Variants in ADIPOQ observed in about 807,000 individuals in gnomAD.
The protein encoded by ADIPOQ is adiponectin.
A neutral mutation model predicts 16.1 loss-of-function variants in ADIPOQ; 19 were observed. The ratio of observed to expected loss-of-function variants is 1.18; its 90% CI spans 0.82 to 1.73. The LOEUF (loss-of-function observed/expected upper bound fraction) is 1.73. Ranked by LOEUF, ADIPOQ falls within the 40% of genes most tolerant of loss-of-function variation. The probability of loss-of-function intolerance (pLI) is 0.00; values close to 1 mark genes in which losing one functional copy is unlikely to be tolerated. For synonymous variants in ADIPOQ, 124 were observed against 125.5 expected (o/e 0.99, Z 0.08); for missense variants, 323 against 308.3 (o/e 1.05, Z -0.36).
chr3:186,853,930 C>T (rs935764768), intron 2 of ADIPOQ: 4 of 398,686 alleles, frequency 1.0e-5, no homozygotes, highest in Non-Finnish European at 1.8e-5. Flanking sequence ...ACATAAAGGG[C>T]TGGCAGGGTG....
chr3:186,848,321 G>GAAGGAAGGAAGGAAA, intron 1 of ADIPOQ, among the ~76,000 whole-genome samples: 4 of 145,322 alleles, frequency 2.8e-5, no homozygotes, highest in Non-Finnish European at 4.6e-5. Flanking sequence ...AAGGAAGGAA[G>GAAGGAAGGAAGGAAA]GAAGGGTAAC....
intron 1 of ADIPOQ, among the ~76,000 whole-genome samples, chr3:186,849,127 A>C (rs1053759231): frequency 2.0e-5 from 3 of 152,192 alleles, no homozygotes; most frequent in African/African-American, 7.2e-5. Context: ...GAGACCCCTG[A>C]GTTTGCCCTC....
intron 1 of ADIPOQ, among the ~76,000 whole-genome samples, chr3:186,847,413 A>C (rs1272949138): frequency 6.6e-6 from 1 of 152,224 alleles, no homozygotes; most frequent in African/African-American, 2.4e-5. Context: ...AAAAGTAACA[A>C]AATTTGTTAT....
intron 1 of ADIPOQ, among the ~76,000 whole-genome samples, chr3:186,848,133 A>G (rs1452867973): frequency 2.0e-5 from 3 of 150,344 alleles, no homozygotes; most frequent in Non-Finnish European, 4.4e-5. Context: ...AGATGGTGCC[A>G]TTGCACTCCA....
intron 2 of ADIPOQ, among the ~76,000 whole-genome samples, chr3:186,853,582 A>T (rs1711867828): frequency 6.6e-6 from 1 of 151,596 alleles, no homozygotes; most frequent in South Asian, 2.1e-4. Context: ...CTTCCATTTC[A>T]CCCAGTGGCA....
intron 2 of ADIPOQ, 141 bp from the exon 3 acceptor site, chr3:186,854,043 C>A: frequency 1.2e-6 from 1 of 861,044 alleles, no homozygotes. Flanking sequence ...CACCTCTCTC[C>A]TTTTGGGAGC....
At chr3:186,845,878 C>T (rs1179214877) in intron 1 of ADIPOQ, among the ~76,000 whole-genome samples, 2 of 152,172 alleles carry the variant, frequency 1.3e-5, no homozygotes, top group Non-Finnish European at 2.9e-5. Flanking sequence ...TCTCATGTTC[C>T]TCATCTCACA....
intron 2 of ADIPOQ, among the ~76,000 whole-genome samples, chr3:186,853,488 T>A (rs1711865168): frequency 6.6e-6 from 1 of 152,240 alleles, no homozygotes; most frequent in Admixed American, 6.5e-5. Context: ...CATCTGCAGC[T>A]CCTTTTCCAT....
chr3:186,854,624 G>C lies in ADIPOQ; in HGVS notation c.655G>C (p.Gly219Arg), dbSNP rs773261440. The C allele has an allele frequency of 1.2e-6, 2 of 1,614,176 alleles. No individual in the cohort carries two copies. Among genetic ancestry groups the C allele is most frequent in the Non-Finnish European group, 1.7e-6 (2 of 1,180,030 alleles). ...DQVWLQVYGE[G>R]ERNGLYADND... Reference sequence around the variant, plus strand: ...AGTCTGGCTCCAGGTGTATGGGGAAGGAGAGCGTAATGGACTCTATGCTGA... The same window carrying C: ...AGTCTGGCTCCAGGTGTATGGGGAACGAGAGCGTAATGGACTCTATGCTGA... Residue 219 changes from glycine to arginine, a missense_variant, in exon 3 of 3, where the codon GGA (glycine) becomes CGA (arginine). Coordinates refer to ENST00000320741, the MANE Select transcript of ADIPOQ (RefSeq NM_004797.4).
At position 186,855,824 on chromosome 3, in the gene ADIPOQ, G is replaced by T. The variant is rs1711979028; in HGVS notation, c.*1120G>T. 1 of 152,150 alleles carries T rather than the reference G, an allele frequency of 6.6e-6. No homozygotes were observed. The highest frequency in any genetic ancestry group is 2.1e-4 in the South Asian group (1 of 4,826). The allele number at this position is 152,150 out of a possible 1,614,324, so 9.4% of individuals were successfully genotyped here. A position where few individuals can be genotyped will look rare whatever the true frequency, so the allele number is the denominator to read the frequency against. On this transcript the variant is annotated 3_prime_UTR_variant, in exon 3 of 3. Transcript: ENST00000320741. ...AGGAACACCTCCCACCAGGCTAGAG[G>T]CAACTGCCCAGGAAGGACTGTGCTT...
At chr3:186,849,591 TTAAA>T (rs1408635476) in intron 1 of ADIPOQ, among the ~76,000 whole-genome samples, 4 of 152,200 alleles carry the variant, frequency 2.6e-5, no homozygotes, top group East Asian at 1.9e-4. Context: ...GTAGTGGGTC[TTAAA>T]TAAAGACTCA....
In ADIPOQ at chr3:186,854,964, GTC is replaced by G; in HGVS notation, c.*265_*266del. ...TTGACAGTGCTATTTTGTGCCCACT[GTC>G]TCTCCTGATGCTCATATCAATCCTA... On this transcript the variant is annotated 3_prime_UTR_variant, in exon 3 of 3. Coordinates refer to ENST00000320741, the MANE Select transcript of ADIPOQ (RefSeq NM_004797.4). The G allele has an allele frequency of 1.9e-6, 1 of 519,024 alleles. No homozygotes were observed. Among genetic ancestry groups the G allele is most frequent in the East Asian group, 3.7e-5 (1 of 27,116 alleles). 32.2% of individuals were successfully genotyped at this position (519,024 alleles called of 1,614,324 possible). A position where few individuals can be genotyped will look rare whatever the true frequency, so the allele number is the denominator to read the frequency against.
chr3:186,853,929 G>T (rs1165726338), intron 2 of ADIPOQ: 6 of 402,526 alleles, frequency 1.5e-5, no homozygotes, highest in Non-Finnish European at 2.7e-5. Flanking sequence ...CACATAAAGG[G>T]CTGGCAGGGT....
Position 186,853,202 on chromosome 3 carries a change from C to T in ADIPOQ, c.144C>T (p.Gly48=), listed in dbSNP as rs1159845587. 3.7e-6 allele frequency: 6 copies of T among 1,613,838 alleles called. No homozygotes were observed. Among genetic ancestry groups the T allele is most frequent in the East Asian group, 2.2e-5 (1 of 44,874 alleles). Reference sequence around the variant, plus strand: ...TGGCGGGCATCCCAGGGCATCCGGGCCATAATGGGGCCCCAGGCCGTGATG... The same window carrying T: ...TGGCGGGCATCCCAGGGCATCCGGGTCATAATGGGGCCCCAGGCCGTGATG... The part of the protein sequence containing the change: ...GWMAGIPGHP[G]HNGAPGRDGR... Residue 48 remains glycine, a synonymous_variant, in exon 2 of 3, where the codon GGC becomes GGT. Coordinates refer to ENST00000320741, the MANE Select transcript of ADIPOQ (RefSeq NM_004797.4).
At position 186,853,220 on chromosome 3, in the gene ADIPOQ, C is replaced by T; in HGVS notation, c.162C>T (p.Gly54=). 1 of 1,613,586 alleles carries T rather than the reference C, an allele frequency of 6.2e-7. No individual in the cohort carries two copies. The highest frequency in any genetic ancestry group is 8.5e-7 in the Non-Finnish European group (1 of 1,179,782). Residue 54 remains glycine (G), a synonymous_variant, in exon 2 of 3, where the codon GGC becomes GGT. Transcript: ENST00000320741. ...PGHPGHNGAP[G]RDGRDGTPGE... is the part of the protein sequence containing the mutation. ...ATCCGGGCCATAATGGGGCCCCAGG[C>T]CGTGATGGCAGAGATGGCACCCCTG...
In ADIPOQ at chr3:186,854,558, G is replaced by A; in HGVS notation, c.589G>A (p.Ala197Thr). The change falls in exon 3 of 3, where the codon GCC (alanine) becomes ACC (threonine). Residue 197 changes from alanine to threonine, a missense_variant. Transcript: ENST00000320741. ...DQYQENNVDQ[A>T]SGSVLLHLEV... is the part of the protein sequence containing the mutation. ...GTACCAGGAAAATAATGTGGACCAG[G>A]CCTCCGGCTCTGTGCTCCTGCATCT... 1.2e-6 allele frequency: 2 copies of A among 1,614,074 alleles called. No individual in the cohort carries two copies. The highest frequency in any genetic ancestry group is 1.7e-6 in the Non-Finnish European group (2 of 1,179,938).
intron 1 of ADIPOQ, among the ~76,000 whole-genome samples, chr3:186,843,660 CA>C (rs35615373): frequency 0.32 from 40,729 of 126,364 alleles, 5,903 homozygotes; most frequent in Middle Eastern, 0.47. Flanking sequence ...GACTTTGTGT[CA>C]AAAAAAAAAA....
Position 186,853,146 on chromosome 3 carries a change from C to T in ADIPOQ, c.88C>T (p.Pro30Ser), listed in dbSNP as rs773481082. ...TTTQGPGVLL[P>S]LPKGACTGWM... Reference sequence around the variant, plus strand: ...GACTCAAGGGCCCGGAGTCCTGCTTCCCCTGCCCAAGGGGGCCTGCACAGG... The same window carrying T: ...GACTCAAGGGCCCGGAGTCCTGCTTTCCCTGCCCAAGGGGGCCTGCACAGG... The change falls in exon 2 of 3, where the codon CCC becomes TCC. Residue 30 changes from proline to serine, a missense_variant. Transcript: ENST00000320741. 3.1e-6 allele frequency: 5 copies of T among 1,614,220 alleles called. No individual in the cohort carries two copies. The highest frequency in any genetic ancestry group is 1.7e-5 in the Admixed American group (1 of 60,032).
At chr3:186,853,423 T>A in intron 2 of ADIPOQ, 151 bp downstream of exon 2, 2 of 1,003,038 alleles carry the variant, frequency 2.0e-6, no homozygotes, top group Non-Finnish European at 3.0e-6. Flanking sequence ...TTGGGGTTGG[T>A]CTTCCAAGGA....
Sources: gnomAD v4.1 joint callset for allele counts (sites outside exome capture counted in the v4.1 genomes callset) on GRCh38, gnomAD v4.1.1 for gene constraint, MANE v1.5 for transcripts, NCBI Gene and HGNC (gene_info 2026-07-23, HGNC 2026-07-21) for gene names.